Variants in CAND2 observed in about 807,000 individuals in gnomAD.
CAND2 encodes cullin associated and neddylation dissociated 2 (putative), also known as cullin-associated NEDD8-dissociated protein 2.
A neutral mutation model predicts 98.9 loss-of-function variants in CAND2; 62 were observed. That is an observed-to-expected ratio of 0.63 (90% CI 0.51 to 0.77). The LOEUF is 0.77. CAND2 is among the 30% of genes least tolerant of loss of function. The pLI is 0.00. For missense variants in CAND2, 1,501 were observed against 1,655.2 expected (o/e 0.91, Z 1.62); for synonymous variants, 770 against 731.9 (o/e 1.05, Z -0.84).
Position 12,816,716 on chromosome 3 carries a change from T to C in CAND2, c.1784T>C (p.Met595Thr), listed in dbSNP as rs1251679440. The change falls in exon 10 of 15, where the codon ATG (methionine) becomes ACG (threonine). Residue 595 changes from methionine to threonine, a missense_variant. Coordinates refer to ENST00000456430, the MANE Select transcript of CAND2 (RefSeq NM_001162499.2). ...QEVKERAISC[M>T]GHLVGHLGDR... The stretch of plus-strand genomic sequence containing the variant: ...GTGAAGGAGCGGGCCATTTCCTGCA[T>C]GGGCCACCTTGTAGGCCACCTGGGT... 1.2e-6 allele frequency: 2 copies of C among 1,613,674 alleles called. No homozygotes were observed. The highest frequency in any genetic ancestry group is 1.7e-5 in the Admixed American group (1 of 60,036).
Position 12,817,193 on chromosome 3 carries a change from T to C in CAND2, c.2261T>C (p.Leu754Pro), listed in dbSNP as rs1206891414. 1 of 1,613,428 alleles carries C rather than the reference T, an allele frequency of 6.2e-7. No homozygotes were observed. The highest frequency in any genetic ancestry group is 1.7e-5 in the Admixed American group (1 of 60,038). ...LRSPLLPAGV[L>P]AAAEGFLQAL... ...TCGCCCCTGTTGCCAGCCGGGGTTC[T>C]GGCAGCTGCTGAAGGCTTCCTGCAG... Residue 754 changes from leucine to proline, a missense_variant, in exon 10 of 15, where the codon CTG becomes CCG. Around this residue, in one of 3 missense-constraint regions of CAND2, gnomAD observed 1,427 missense variants for 1,545.3 expected, o/e 0.92. Coordinates refer to ENST00000456430, the MANE Select transcript of CAND2 (RefSeq NM_001162499.2).
chr3:12,819,520 GCT>G (rs368388322), intron 10 of CAND2, among the ~76,000 whole-genome samples: 16 of 152,300 alleles, frequency 1.1e-4, no homozygotes, highest in African/African-American at 3.6e-4. Flanking sequence ...AAGTAAGCAA[GCT>G]CTCTGTGACC....
chr3:12,825,215 G>T (rs2061989520), intron 11 of CAND2, among the ~76,000 whole-genome samples: 1 of 151,776 alleles, frequency 6.6e-6, no homozygotes, highest in South Asian at 2.1e-4. Context: ...TTACAGATGA[G>T]GACATTGAGG....
chr3:12,797,826 C>G (rs938128542), intron 1 of CAND2, among the ~76,000 whole-genome samples: 4 of 152,156 alleles, frequency 2.6e-5, no homozygotes, highest in African/African-American at 9.7e-5. Context: ...AATACAGAGG[C>G]CAAGATCTTA....
chr3:12,807,007 TA>T (rs1016082365), intron 2 of CAND2: 5 of 286,994 alleles, frequency 1.7e-5, no homozygotes, highest in Admixed American at 4.8e-5. Flanking sequence ...GCCATCTGTT[TA>T]AACAAGCCCG....
Position 12,803,479 on chromosome 3 carries a change from C to A in CAND2, c.69-9C>A. On this transcript the variant is annotated splice_polypyrimidine_tract_variant and intron_variant, in intron 1 of 14. Coordinates refer to ENST00000456430, the MANE Select transcript of CAND2 (RefSeq NM_001162499.2). ...CTGCTCAGCAATCTCCTCCACCCTC[C>A]CTGTGCAGGTTCATGGCCACCAGCG... 1 of 1,598,454 alleles carries A rather than the reference C, an allele frequency of 6.3e-7. No homozygotes were observed.
At chr3:12,822,213 C>T (rs146342992) in intron 11 of CAND2, among the ~76,000 whole-genome samples, 11 of 152,036 alleles carry the variant, frequency 7.2e-5, no homozygotes, top group African/African-American at 1.7e-4. Context: ...CACTTCATTC[C>T]GTGGGCTATA....
chr3:12,812,974 C>T lies in CAND2; in HGVS notation c.758-16C>T. 1 of 1,524,600 alleles carries T rather than the reference C, an allele frequency of 6.6e-7. No homozygotes were observed. Among genetic ancestry groups the T allele is most frequent in the East Asian group, 2.4e-5 (1 of 42,334 alleles). The allele number at this position is 1,524,600 out of a possible 1,614,324, so 94.4% of individuals were successfully genotyped here. A position where few individuals can be genotyped will look rare whatever the true frequency, so the allele number is the denominator to read the frequency against. On this transcript the variant is annotated splice_polypyrimidine_tract_variant and intron_variant, in intron 5 of 14. Coordinates refer to ENST00000456430, the MANE Select transcript of CAND2 (RefSeq NM_001162499.2). Reference sequence around the variant, plus strand: ...GAGTGTCTGGCTTGGGTTCAGTGATCCACCTGGCCCTGCAGGGGCTCACCT... The same window carrying T: ...GAGTGTCTGGCTTGGGTTCAGTGATTCACCTGGCCCTGCAGGGGCTCACCT...
At position 12,815,042 on chromosome 3, in the gene CAND2, C is replaced by T; in HGVS notation, c.1007-99C>T. ...AAATGCTGATCATCAAAAAGTGAAG[C>T]ACAGTGCCCAGCTCTCTCTCCTCCC... On this transcript the variant is annotated intron_variant, in intron 7 of 14. Transcript: ENST00000456430. The surrounding 1 kb of genome is among the most constrained non-coding windows in gnomAD (Gnocchi z 5.7). 1 of 1,224,712 alleles carries T rather than the reference C, an allele frequency of 8.2e-7. No individual in the cohort carries two copies. Among genetic ancestry groups the T allele is most frequent in the Non-Finnish European group, 1.2e-6 (1 of 868,866 alleles). 75.9% of individuals were successfully genotyped at this position (1,224,712 alleles called of 1,614,324 possible). A position where few individuals can be genotyped will look rare whatever the true frequency, so the allele number is the denominator to read the frequency against.
In CAND2 at chr3:12,808,854, CAG is replaced by C. The variant is rs531618587; in HGVS notation, c.491+522_491+523del. Among the ~76,000 whole-genome samples, 61 of 152,254 alleles carry C rather than the reference CAG, an allele frequency of 4.0e-4. 1 individual carries two copies. In the East Asian group the frequency reaches 0.01, roughly 25 times the overall value. On this transcript the variant is annotated intron_variant, in intron 4 of 14. Transcript: ENST00000456430. ...CTGTCCCCAGTCCAGAAGGCAGAGA[CAG>C]GGGAAGACTTGGGGTCCCAGAGTCT...
chr3:12,833,974 C>G lies in CAND2; in HGVS notation c.3703C>G (p.Leu1235Val). 2 of 1,613,760 alleles carry G rather than the reference C, an allele frequency of 1.2e-6. No individual in the cohort carries two copies. Among genetic ancestry groups the G allele is most frequent in the Non-Finnish European group, 1.7e-6 (2 of 1,179,714 alleles). ...AGCCCCCAGCACAGACTCAATGGAG[C>G]TCAGCTAGTCCCCTCAGCACCAAGG... is the stretch of plus-strand genomic sequence containing the variant. ...ASAPSTDSME[L>V]S The change falls in exon 15 of 15, where the codon CTC becomes GTC. Residue 1235 changes from leucine to valine, a missense_variant. Physicochemically the swap from Leu to Val is conservative, Grantham distance 32. Around this residue, in one of 3 missense-constraint regions of CAND2, gnomAD observed 1,427 missense variants for 1,545.3 expected, o/e 0.92. Transcript: ENST00000456430.
rs550545813 is a variant in CAND2, at chr3:12,815,569, G to A, written c.1299+136G>A. On this transcript the variant is annotated intron_variant, in intron 8 of 14. Coordinates refer to ENST00000456430, the MANE Select transcript of CAND2 (RefSeq NM_001162499.2). The surrounding 1 kb of genome is among the most constrained non-coding windows in gnomAD (Gnocchi z 5.7). ...GAAGGGAAGGGGTCCCTGGGGTGGGGGGCGGGAGCCAGCCAGGCTTCTGGA... is the reference window on the plus strand; with the variant it reads ...GAAGGGAAGGGGTCCCTGGGGTGGGAGGCGGGAGCCAGCCAGGCTTCTGGA... 1.1e-3 allele frequency: 1,089 copies of A among 977,266 alleles called. 4 individuals carry two copies. The African/African-American group carries it at 0.015, about 14-fold the overall frequency. 60.5% of individuals were successfully genotyped at this position (977,266 alleles called of 1,614,324 possible).
intron 3 of CAND2, 111 bp downstream of exon 3, chr3:12,807,571 T>G: frequency 9.0e-7 from 1 of 1,109,836 alleles, no homozygotes; most frequent in Non-Finnish European, 1.3e-6. Flanking sequence ...TGAAGAGACA[T>G]ACCTGAGGTC....
chr3:12,799,023 C>T (rs568797578), intron 1 of CAND2, among the ~76,000 whole-genome samples: 1 of 152,260 alleles, frequency 6.6e-6, no homozygotes, highest in African/African-American at 2.4e-5. Context: ...CCCATTACCA[C>T]GGAGGCTCCA....
intron 12 of CAND2, among the ~76,000 whole-genome samples, chr3:12,826,675 G>A (rs980254504): frequency 3.3e-5 from 5 of 152,010 alleles, no homozygotes; most frequent in Non-Finnish European, 7.4e-5. Flanking sequence ...GCCTCTCAAA[G>A]TGCTGGGAGG....
Position 12,816,984 on chromosome 3 carries a change from C to T in CAND2, c.2052C>T (p.Gly684=), listed in dbSNP as rs747408403. 6.2e-7 allele frequency: 1 copy of T among 1,613,038 alleles called. No individual in the cohort carries two copies. The highest frequency in any genetic ancestry group is 8.5e-7 in the Non-Finnish European group (1 of 1,179,884). The part of the protein sequence containing the change: ...AALDALAQSQ[G]LSLPPSAVQA... ...TGGACGCCCTGGCCCAGAGCCAGGGCCTCAGCCTCCCACCGTCTGCCGTGC... is the reference window on the plus strand; with the variant it reads ...TGGACGCCCTGGCCCAGAGCCAGGGTCTCAGCCTCCCACCGTCTGCCGTGC... The change falls in exon 10 of 15, where the codon GGC becomes GGT. Residue 684 remains glycine, a synonymous_variant. Coordinates refer to ENST00000456430, the MANE Select transcript of CAND2 (RefSeq NM_001162499.2).
chr3:12,811,362 A>G (rs1443855873), intron 5 of CAND2, among the ~76,000 whole-genome samples: 5 of 152,234 alleles, frequency 3.3e-5, no homozygotes, highest in African/African-American at 1.2e-4. Context: ...AGGGAAGGGT[A>G]TGGCTGGAGA....
chr3:12,796,873 C>T, intron 1 of CAND2, 85 bp downstream of exon 1: 1 of 1,082,578 alleles, frequency 9.2e-7, no homozygotes, highest in Non-Finnish European at 1.4e-6. Flanking sequence ...AGCCCATCCC[C>T]CATGACCATG....
rs58996323 is a variant in CAND2 at position 12,831,402 on chromosome 3, G to A, written c.3376-63G>A. On this transcript the variant is annotated intron_variant, in intron 13 of 14. Coordinates refer to ENST00000456430, the MANE Select transcript of CAND2 (RefSeq NM_001162499.2). ...GTTGTGGGGCCTCTGCTCTTTCCCA[G>A]GGCTGGCTGCTGCTCTTGCTCCTGC... 0.11 allele frequency: 152,358 copies of A among 1,366,320 alleles called. 9,391 individuals are homozygous for A. Among genetic ancestry groups the A allele is most frequent in the South Asian group, 0.21 (17,026 of 82,918 alleles). The allele number at this position is 1,366,320 out of a possible 1,614,324, so 84.6% of individuals were successfully genotyped here. A position where few individuals can be genotyped will look rare whatever the true frequency, so the allele number is the denominator to read the frequency against.
Sources: gnomAD v4.1 joint callset for allele counts (sites outside exome capture counted in the v4.1 genomes callset) on GRCh38, gnomAD v4.1.1 for gene constraint, gnomAD v4.1.1 regional missense constraint, Gnocchi (gnomAD v3.1) non-coding constraint, MANE v1.5 for transcripts, NCBI Gene and HGNC (gene_info 2026-07-23, HGNC 2026-07-21) for gene names.